Variants in CFAP299 observed in about 807,000 individuals in gnomAD.
The protein encoded by CFAP299 is cilia and flagella associated protein 299, also known as cilia- and flagella-associated protein 299.
A neutral mutation model predicts 27.0 loss-of-function variants in CFAP299; 21 were observed. That is an observed-to-expected ratio of 0.78 (90% confidence interval 0.55 to 1.12). The LOEUF (loss-of-function observed/expected upper bound fraction) is 1.12, where lower values mean the gene tolerates loss of function less well. CFAP299 is among the 50% of genes most tolerant of loss of function. The probability of loss-of-function intolerance (pLI) is 0.00; values close to 1 mark genes in which losing one functional copy is unlikely to be tolerated. For missense variants in CFAP299, 310 were observed against 276.6 expected, an observed-to-expected ratio of 1.12 and a Z score of -0.86; for synonymous variants, 104 against 98.1, an observed-to-expected ratio of 1.06 and a Z score of -0.36.
At chr4:80,445,121 C>T (rs933879066) in intron 2 of CFAP299, among the ~76,000 whole-genome samples, 6 of 152,152 alleles carry the variant, frequency 3.9e-5, no homozygotes, top group African/African-American at 1.4e-4. Flanking sequence ...TGTGGCGATT[C>T]CTCAAGGGTC....
intron 3 of CFAP299, among the ~76,000 whole-genome samples, chr4:80,800,206 ATATAATATATAT>A (rs1318982752): frequency 1.3e-5 from 1 of 74,860 alleles, no homozygotes; most frequent in Non-Finnish European, 2.3e-5. Flanking sequence ...ATAATATAAT[ATATAATATATAT>A]TATAATATAT....
intron 3 of CFAP299, among the ~76,000 whole-genome samples, chr4:80,706,169 A>G (rs184454424): frequency 6.6e-6 from 1 of 151,860 alleles, no homozygotes; most frequent in Admixed American, 6.6e-5. Context: ...TTGACTTCAA[A>G]TGTAGGCTCT....
intron 1 of CFAP299, among the ~76,000 whole-genome samples, chr4:80,340,902 AGTAGCTG>A (rs566754965): frequency 3.4e-3 from 515 of 152,134 alleles, no homozygotes; most frequent in Non-Finnish European, 5.0e-3. Context: ...CAGCCTCCCA[AGTAGCTG>A]GAATTACAGG....
At chr4:80,456,919 ACG>A (rs1446606212) in intron 2 of CFAP299, among the ~76,000 whole-genome samples, 1 of 152,040 alleles carries the variant, frequency 6.6e-6, no homozygotes, top group Non-Finnish European at 1.5e-5. Context: ...GACAAAGGCT[ACG>A]GTGTTGTGGA....
At chr4:80,945,158 C>G (rs181571041) in intron 5 of CFAP299, among the ~76,000 whole-genome samples, 1 of 152,152 alleles carries the variant, frequency 6.6e-6, no homozygotes, top group Non-Finnish European at 1.5e-5. Context: ...GGAATTTAAA[C>G]AGAACTCACA....
At chr4:80,941,172 G>C (rs1737174926) in intron 4 of CFAP299, among the ~76,000 whole-genome samples, 1 of 152,016 alleles carries the variant, frequency 6.6e-6, no homozygotes, top group African/African-American at 2.4e-5. Context: ...GTACTGTTTA[G>C]GAAATAATGA....
intron 2 of CFAP299, among the ~76,000 whole-genome samples, chr4:80,544,401 C>T (rs1734137451): frequency 6.6e-6 from 1 of 152,126 alleles, no homozygotes; most frequent in East Asian, 1.9e-4. Context: ...GCCAAATGCC[C>T]CACTTAAAAG....
chr4:80,831,885 G>C (rs1040026366), intron 3 of CFAP299, among the ~76,000 whole-genome samples: 1 of 152,132 alleles, frequency 6.6e-6, no homozygotes, highest in African/African-American at 2.4e-5. Context: ...GTGAGACAGA[G>C]AGAACATGAA....
intron 3 of CFAP299, among the ~76,000 whole-genome samples, chr4:80,810,003 A>T (rs1250682213): frequency 6.6e-6 from 1 of 152,038 alleles, no homozygotes; most frequent in East Asian, 1.9e-4. Context: ...GTTGCGGTGA[A>T]ATTTTAACAT....
At chr4:80,778,954 A>G (rs1314679674) in intron 3 of CFAP299, among the ~76,000 whole-genome samples, 1 of 152,102 alleles carries the variant, frequency 6.6e-6, no homozygotes, top group Non-Finnish European at 1.5e-5. Context: ...ATGATTTTGT[A>G]GATACTGTCT....
chr4:80,718,476 G>C (rs907304635), intron 3 of CFAP299, among the ~76,000 whole-genome samples: 1 of 152,052 alleles, frequency 6.6e-6, no homozygotes, highest in African/African-American at 2.4e-5. Context: ...TGGAACAATT[G>C]TCAAGAGTAG....
intron 3 of CFAP299, among the ~76,000 whole-genome samples, chr4:80,836,118 T>G (rs898440943): frequency 6.6e-6 from 1 of 152,214 alleles, no homozygotes; most frequent in African/African-American, 2.4e-5. Context: ...TTGCAATTAT[T>G]AAATTGGTTC....
At chr4:80,765,615 T>G (rs1352930655) in intron 3 of CFAP299, among the ~76,000 whole-genome samples, 1 of 152,016 alleles carries the variant, frequency 6.6e-6, no homozygotes, top group African/African-American at 2.4e-5. Context: ...AAATAAATTT[T>G]TTTATTTTTT....
At chr4:80,393,497 T>C (rs1359812698) in intron 2 of CFAP299, among the ~76,000 whole-genome samples, 1 of 152,178 alleles carries the variant, frequency 6.6e-6, no homozygotes, top group African/African-American at 2.4e-5. Context: ...GCCCCATTCA[T>C]AAGTGCCCTA....
rs62302253 is a variant in CFAP299, at chr4:80,954,478, A to T, written c.607-9039A>T. ...AAGAAAAATCTCATGTTGATAACTT[A>T]TAAGTGGCTATTGCTGGCTGAGATA... On this transcript the variant is annotated intron_variant, in intron 5 of 5. Coordinates refer to ENST00000358105, the MANE Select transcript of CFAP299 (RefSeq NM_152770.3). 7.2e-5 allele frequency among the ~76,000 whole-genome samples: 11 copies of T among 152,246 alleles called. No individual in the cohort carries two copies. The South Asian group carries it at 1.9e-3, about 26-fold the overall frequency.
At chr4:80,782,487 A>T (rs1238124091) in intron 3 of CFAP299, among the ~76,000 whole-genome samples, 1 of 147,218 alleles carries the variant, frequency 6.8e-6, no homozygotes, top group Non-Finnish European at 1.5e-5. Context: ...TTATATGTAT[A>T]TATACACAAT....
At chr4:80,362,665 G>A in intron 1 of CFAP299, 89 bp from the exon 2 acceptor site, 1 of 1,329,688 alleles carries the variant, frequency 7.5e-7, no homozygotes, top group East Asian at 2.4e-5. Flanking sequence ...CAATTGCTTG[G>A]TATACATTGC....
At chr4:80,728,967 G>T (rs1723321827) in intron 3 of CFAP299, among the ~76,000 whole-genome samples, 1 of 152,084 alleles carries the variant, frequency 6.6e-6, no homozygotes, top group Non-Finnish European at 1.5e-5. Flanking sequence ...CCCACAACCT[G>T]CAAACAACAA....
At chr4:80,839,166 T>G (rs936211740) in intron 3 of CFAP299, among the ~76,000 whole-genome samples, 3 of 152,188 alleles carry the variant, frequency 2.0e-5, no homozygotes, top group Non-Finnish European at 4.4e-5. Context: ...ATTATGCTTT[T>G]TCATATTCCT....
Sources: gnomAD v4.1 joint callset for allele counts (sites outside exome capture counted in the v4.1 genomes callset) on GRCh38, gnomAD v4.1.1 for gene constraint, MANE v1.5 for transcripts, NCBI Gene and HGNC (gene_info 2026-07-23, HGNC 2026-07-21) for gene names.